SHROOM3: variants seen among roughly 807,000 people sequenced by gnomAD.
The protein encoded by SHROOM3 is protein Shroom3.
SHROOM3 carries 47 observed loss-of-function variants against 138.6 expected under a neutral mutation model. That is an observed-to-expected ratio of 0.34 (90% confidence interval 0.27 to 0.43). SHROOM3 has a LOEUF of 0.43. SHROOM3 is among the 20% of genes least tolerant of loss of function. The pLI, the probability that SHROOM3 is intolerant of heterozygous loss-of-function variation, is 1.00. For synonymous variants in SHROOM3, 1,062 were observed against 1,063.3 expected, an observed-to-expected ratio of 1.00 and a Z score of 0.02; for missense variants, 2,491 against 2,596.5, an observed-to-expected ratio of 0.96 and a Z score of 0.88.
chr4:76,608,656 CATA>C (rs1734688096), intron 2 of SHROOM3, among the ~76,000 whole-genome samples: 2 of 26,708 alleles, frequency 7.5e-5, no homozygotes, highest in Non-Finnish European at 3.0e-4. Context: ...CATAGCATAG[CATA>C]GCATAGCACA....
chr4:76,756,823 C>A lies in SHROOM3; in HGVS notation c.5084C>A (p.Thr1695Lys). 1 of 1,614,130 alleles carries A rather than the reference C, an allele frequency of 6.2e-7. No individual in the cohort carries two copies. The highest frequency in any genetic ancestry group is 8.5e-7 in the Non-Finnish European group (1 of 1,180,028). Residue 1695 changes from threonine to lysine, a missense_variant, in exon 8 of 11, where the codon ACA (threonine) becomes AAA (lysine). This residue lies in a region of SHROOM3 where 470 missense variants were observed against 595.0 expected (regional missense o/e 0.79). Coordinates refer to ENST00000296043, the MANE Select transcript of SHROOM3 (RefSeq NM_020859.4). ...GATCCAGACTCCAGGCTGAAGACAACAATGGACCTGATGGAAGGTTTGTTT... is the reference window on the plus strand; with the variant it reads ...GATCCAGACTCCAGGCTGAAGACAAAAATGGACCTGATGGAAGGTTTGTTT... Reference protein sequence around the residue: ...ILDPDSRLKTTMDLMEGLFPR... With the variant: ...ILDPDSRLKTKMDLMEGLFPR...
chr4:76,608,541 A>ATAGCATAGCATAGCG lies in SHROOM3; in HGVS notation c.323+52792_323+52793insGTAGCATAGCATAGC, dbSNP rs1320608904. Among the ~76,000 whole-genome samples the ATAGCATAGCATAGCG allele has an allele frequency of 6.6e-3, 339 of 51,736 alleles. 4 individuals carry two copies. Among genetic ancestry groups the ATAGCATAGCATAGCG allele is most frequent in the African/African-American group, 0.027 (320 of 11,824 alleles). 33.9% of individuals were successfully genotyped at this position (51,736 alleles called of 152,430 possible). A position where few individuals can be genotyped will look rare whatever the true frequency, so the allele number is the denominator to read the frequency against. On this transcript the variant is annotated intron_variant, in intron 2 of 10. Coordinates refer to ENST00000296043, the MANE Select transcript of SHROOM3 (RefSeq NM_020859.4). Reference sequence around the variant, plus strand: ...TTGGACAGAGATGGCATAGCATAGCATAGCATAGCATAGCATAGCATAGCA... The same window carrying ATAGCATAGCATAGCG: ...TTGGACAGAGATGGCATAGCATAGCATAGCATAGCATAGCGTAGCATAGCATAGCATAGCATAGCA...
chr4:76,554,021 G>A (rs1358863095), intron 1 of SHROOM3, among the ~76,000 whole-genome samples: 3 of 152,162 alleles, frequency 2.0e-5, no homozygotes, highest in African/African-American at 7.2e-5. Context: ...CATTCTATGG[G>A]TTTTGACAAA....
At position 76,739,146 on chromosome 4, in the gene SHROOM3, T is replaced by A; in HGVS notation, c.973T>A (p.Ser325Thr). 1 of 1,614,046 alleles carries A rather than the reference T, an allele frequency of 6.2e-7. No homozygotes were observed. The highest frequency in any genetic ancestry group is 8.5e-7 in the Non-Finnish European group (1 of 1,179,952). Reference protein sequence around the residue: ...RGVSAEYEVNSSALLLQGREA... With the variant: ...RGVSAEYEVNTSALLLQGREA... ...AGTCTCAGCAGAGTATGAGGTGAAC[T>A]CTTCAGCCCTGCTGCTTCAAGGTAG... Residue 325 changes from serine (S) to threonine (T), a missense_variant, in exon 5 of 11, where the codon TCT becomes ACT. Physicochemically the swap from Ser to Thr is moderately conservative, Grantham distance 58. Transcript: ENST00000296043.
intron 3 of SHROOM3, among the ~76,000 whole-genome samples, chr4:76,716,663 A>C (rs1279546813): frequency 6.6e-6 from 1 of 152,258 alleles, no homozygotes; most frequent in African/African-American, 2.4e-5. Flanking sequence ...GTATAAATAC[A>C]GTCGCCCTAT....
chr4:76,740,057 C>T lies in SHROOM3; in HGVS notation c.1884C>T (p.Gly628=). Residue 628 remains glycine (G), a synonymous_variant, in exon 5 of 11, where the codon GGC becomes GGT. Transcript: ENST00000296043. The surrounding 1 kb of genome is among the most constrained non-coding windows in gnomAD (Gnocchi z 4.0). ...RSSRLSEPWE[G]DFQEDHNANL... ...CCAGGCTCTCAGAGCCCTGGGAGGGCGATTTCCAGGAAGACCACAATGCCA... is the reference window on the plus strand; with the variant it reads ...CCAGGCTCTCAGAGCCCTGGGAGGGTGATTTCCAGGAAGACCACAATGCCA... The T allele has an allele frequency of 4.3e-6, 7 of 1,613,746 alleles. No homozygotes were observed. The highest frequency in any genetic ancestry group is 1.7e-5 in the Admixed American group (1 of 60,030).
chr4:76,726,350 C>T (rs1720704025), intron 3 of SHROOM3, among the ~76,000 whole-genome samples: 1 of 151,996 alleles, frequency 6.6e-6, no homozygotes, highest in African/African-American at 2.4e-5. Context: ...TGTTCATTCT[C>T]CTCAAGTCAC....
chr4:76,501,360 C>T (rs565880787), intron 1 of SHROOM3, among the ~76,000 whole-genome samples: 9 of 152,254 alleles, frequency 5.9e-5, no homozygotes, highest in African/African-American at 1.4e-4. Flanking sequence ...ATATTGCTCT[C>T]GGCCCACAGT....
At position 76,463,455 on chromosome 4, in the gene SHROOM3, T is replaced by G. The variant is rs116292287; in HGVS notation, c.168+27235T>G. Among the ~76,000 whole-genome samples the G allele has an allele frequency of 7.2e-3, 1,103 of 152,312 alleles. 9 individuals carry two copies. The highest frequency in any genetic ancestry group is 0.025 in the African/African-American group (1,045 of 41,566). On this transcript the variant is annotated intron_variant, in intron 1 of 10. Coordinates refer to ENST00000296043, the MANE Select transcript of SHROOM3 (RefSeq NM_020859.4). ...AAAATGGAAACAGAGCATAAAAGAT[T>G]GGAAAATTTGCAACCTGATCATGTG... is the stretch of plus-strand genomic sequence containing the variant.
At chr4:76,657,953 G>T (rs767493482) in intron 2 of SHROOM3, among the ~76,000 whole-genome samples, 1 of 152,144 alleles carries the variant, frequency 6.6e-6, no homozygotes, top group South Asian at 2.1e-4. Context: ...AGTTCAGCAC[G>T]TTCATTGGGC....
intron 2 of SHROOM3, among the ~76,000 whole-genome samples, chr4:76,576,154 C>A (rs1733932871): frequency 6.6e-6 from 1 of 152,108 alleles, no homozygotes; most frequent in Non-Finnish European, 1.5e-5. Context: ...GGGGTATATA[C>A]CCCAAAGAAA....
At chr4:76,670,551 C>CT (rs916889658) in intron 2 of SHROOM3, among the ~76,000 whole-genome samples, 12 of 151,968 alleles carry the variant, frequency 7.9e-5, no homozygotes, top group African/African-American at 2.9e-4. Context: ...GAATTGTATA[C>CT]TTTTTTTTAA....
chr4:76,454,352 T>G (rs2109971682), intron 1 of SHROOM3, among the ~76,000 whole-genome samples: 1 of 152,332 alleles, frequency 6.6e-6, no homozygotes, highest in Non-Finnish European at 1.5e-5. Context: ...CCTAATTTTC[T>G]TATATGGTAT....
intron 9 of SHROOM3, among the ~76,000 whole-genome samples, chr4:76,760,026 C>T (rs1168223609): frequency 6.6e-6 from 1 of 152,230 alleles, no homozygotes; most frequent in Non-Finnish European, 1.5e-5. Flanking sequence ...GACCCCGACA[C>T]TGTTCTCAGC....
chr4:76,741,109 C>T lies in SHROOM3; in HGVS notation c.2936C>T (p.Pro979Leu). Reference protein sequence around the residue: ...RSPEASASASPHTPRERHSVT... With the variant: ...RSPEASASASLHTPRERHSVT... ...CCCGAGGCGTCGGCCTCCGCCTCCC[C>T]GCACACGCCCCGGGAGCGGCACAGC... The change falls in exon 5 of 11, where the codon CCG becomes CTG. Residue 979 changes from proline to leucine, a missense_variant. Physicochemically the swap from Pro to Leu is moderately conservative, Grantham distance 98. Coordinates refer to ENST00000296043, the MANE Select transcript of SHROOM3 (RefSeq NM_020859.4). The surrounding 1 kb of genome is among the most constrained non-coding windows in gnomAD (Gnocchi z 6.2). 1.3e-6 allele frequency: 2 copies of T among 1,549,314 alleles called. No individual in the cohort carries two copies. Among genetic ancestry groups the T allele is most frequent in the Non-Finnish European group, 8.7e-7 (1 of 1,147,130 alleles).
chr4:76,495,745 T>G (rs1381027285), intron 1 of SHROOM3, among the ~76,000 whole-genome samples: 1 of 152,168 alleles, frequency 6.6e-6, no homozygotes, highest in African/African-American at 2.4e-5. Context: ...GTGAGGCATG[T>G]GAGCAATGTG....
At chr4:76,515,798 T>A (rs747301018) in intron 1 of SHROOM3, among the ~76,000 whole-genome samples, 1 of 152,226 alleles carries the variant, frequency 6.6e-6, no homozygotes, top group Admixed American at 6.5e-5. Context: ...AAAGTCATGT[T>A]GAGAAGTCAT....
chr4:76,600,539 A>G (rs1734484347), intron 2 of SHROOM3, among the ~76,000 whole-genome samples: 1 of 152,218 alleles, frequency 6.6e-6, no homozygotes, highest in African/African-American at 2.4e-5. Context: ...AAGCACATTA[A>G]TTAACTACCA....
chr4:76,735,511 C>T (rs1160036290), intron 4 of SHROOM3, among the ~76,000 whole-genome samples: 2 of 151,898 alleles, frequency 1.3e-5, no homozygotes, highest in Non-Finnish European at 2.9e-5. Flanking sequence ...ATATGTGTAA[C>T]AGGGATTTCA....
Sources: allele counts gnomAD v4.1 joint callset (sites outside exome capture counted in the v4.1 genomes callset), GRCh38; gene constraint gnomAD v4.1.1; regional missense constraint gnomAD v4.1.1; non-coding constraint Gnocchi (gnomAD v3.1); transcripts MANE v1.5; gene names NCBI Gene and HGNC (gene_info 2026-07-23, HGNC 2026-07-21).